Variants in RINT1 observed in about 807,000 individuals in gnomAD.
RINT1 encodes the protein RAD50-interacting protein 1.
A neutral mutation model predicts 97.7 loss-of-function variants in RINT1; 75 were observed. The ratio of observed to expected loss-of-function variants is 0.77; its 90% CI spans 0.64 to 0.93. RINT1 has a LOEUF of 0.93. RINT1 is among the 40% of genes least tolerant of loss of function. The probability of loss-of-function intolerance (pLI) is 0.00; values close to 1 mark genes in which losing one functional copy is unlikely to be tolerated. For synonymous variants in RINT1, 303 were observed against 326.3 expected (o/e 0.93, Z 0.77); for missense variants, 892 against 925.2 (o/e 0.96, Z 0.47).
intron 11 of RINT1, among the ~76,000 whole-genome samples, chr7:105,562,073 AT>A (rs1400526026): frequency 6.6e-6 from 1 of 152,142 alleles, no homozygotes; most frequent in Non-Finnish European, 1.5e-5. Flanking sequence ...TACTAAAGCT[AT>A]TTATATAAAT....
At position 105,550,486 on chromosome 7, in the gene RINT1, T is replaced by C. The variant is rs372327744; in HGVS notation, c.1333T>C (p.Phe445Leu). 3.7e-6 allele frequency: 6 copies of C among 1,606,594 alleles called. No individual in the cohort carries two copies. Among genetic ancestry groups the C allele is most frequent in the Non-Finnish European group, 5.1e-6 (6 of 1,173,382 alleles). The change falls in exon 9 of 15, where the codon TTT becomes CTT. Residue 445 changes from phenylalanine (F) to leucine (L), a missense_variant and splice_region_variant. Transcript: ENST00000257700. ...GAGATGGTTGACGGTGGAGAGAAAA[T>C]GTAAGTGCTGATGTGGCCAGATGGT... ...FQRWLTVERK[F>L]ALQKMDSMLS...
At chr7:105,556,352 C>T (rs1791182423) in intron 11 of RINT1, among the ~76,000 whole-genome samples, 1 of 151,922 alleles carries the variant, frequency 6.6e-6, no homozygotes, top group South Asian at 2.1e-4. Flanking sequence ...TAGGTGTGAG[C>T]CACCATGCCC....
Position 105,548,911 on chromosome 7 carries a change from C to T in RINT1, c.996+201C>T, listed in dbSNP as rs116807129. Among the ~76,000 whole-genome samples, 361 of 152,088 alleles carry T rather than the reference C, an allele frequency of 2.4e-3. 2 individuals carry two copies. The highest frequency in any genetic ancestry group is 8.2e-3 in the African/African-American group (341 of 41,476). On this transcript the variant is annotated intron_variant, in intron 7 of 14. Coordinates refer to ENST00000257700, the MANE Select transcript of RINT1 (RefSeq NM_021930.6). ...TATACTGTAGGAAAAATGGTATTTC[C>T]GCTCTTGGGCATCAGATATTGCTGA... is the stretch of plus-strand genomic sequence containing the variant.
intron 11 of RINT1, among the ~76,000 whole-genome samples, chr7:105,558,419 C>T (rs1010214042): frequency 1.3e-5 from 2 of 152,094 alleles, no homozygotes; most frequent in African/African-American, 2.4e-5. Context: ...TTCTGCTAAG[C>T]GTTTTTAGTA....
chr7:105,556,525 A>T (rs1378732998), intron 11 of RINT1, among the ~76,000 whole-genome samples: 6 of 104,728 alleles, frequency 5.7e-5, no homozygotes, highest in South Asian at 3.6e-4. Flanking sequence ...GAACTCTTTT[A>T]AAAAAAAACA....
rs1790064284 is a variant in RINT1 at position 105,532,287 on chromosome 7, A to G, written c.-29A>G. ...ACTCCACAGGCCACGCTGGCTGCGA[A>G]TGGAGCCGAGGACTCGCGCGGAGGC... On this transcript the variant is annotated 5_prime_UTR_variant, in exon 1 of 15. It removes an upstream start codon present in the reference 5' UTR. Transcript: ENST00000257700. 6.4e-7 allele frequency: 1 copy of G among 1,564,880 alleles called. No homozygotes were observed. Among genetic ancestry groups the G allele is most frequent in the Non-Finnish European group, 8.6e-7 (1 of 1,159,214 alleles).
intron 6 of RINT1, among the ~76,000 whole-genome samples, chr7:105,548,261 A>T (rs768636822): frequency 1.8e-4 from 28 of 151,438 alleles, no homozygotes; most frequent in Non-Finnish European, 3.1e-4. Flanking sequence ...ATTCCTGTGA[A>T]GTGGCCCAAG....
intron 9 of RINT1, among the ~76,000 whole-genome samples, 161 bp downstream of exon 9, chr7:105,550,647 A>C (rs748308190): frequency 6.6e-6 from 1 of 152,042 alleles, no homozygotes; most frequent in Non-Finnish European, 1.5e-5. Context: ...TCTTTACTTC[A>C]CATGAAACTT....
chr7:105,533,005 C>T, intron 2 of RINT1, 136 bp downstream of exon 2: 1 of 774,898 alleles, frequency 1.3e-6, no homozygotes, highest in Non-Finnish European at 2.2e-6. Context: ...TATGGTAATA[C>T]TGATGACCAT....
chr7:105,555,272 A>G (rs761821590), intron 11 of RINT1, 45 bp downstream of exon 11: 1 of 1,471,684 alleles, frequency 6.8e-7, no homozygotes, highest in Non-Finnish European at 9.3e-7. Flanking sequence ...ACTAGTTCGA[A>G]CTATTTTATT....
intron 11 of RINT1, among the ~76,000 whole-genome samples, chr7:105,557,208 G>A (rs933575661): frequency 6.6e-6 from 1 of 151,932 alleles, no homozygotes; most frequent in African/African-American, 2.4e-5. Flanking sequence ...ATATATAATT[G>A]TGTCATAAAA....
rs1790244845 is a variant in RINT1, at chr7:105,536,599, A to G, written c.123A>G (p.Lys41=). The change falls in exon 3 of 15, where the codon AAA becomes AAG. Residue 41 remains lysine, a synonymous_variant. Coordinates refer to ENST00000257700, the MANE Select transcript of RINT1 (RefSeq NM_021930.6). ...DINVTVLIGS[K]QVSEGTDNGD... ...ATGTTACAGTTCTTATTGGAAGTAAACAAGTCAGTGAAGGTACAGATAATG... is the reference window on the plus strand; with the variant it reads ...ATGTTACAGTTCTTATTGGAAGTAAGCAAGTCAGTGAAGGTACAGATAATG... 6.2e-7 allele frequency: 1 copy of G among 1,603,602 alleles called. No homozygotes were observed. The highest frequency in any genetic ancestry group is 1.3e-5 in the African/African-American group (1 of 74,464).
chr7:105,532,927 G>T (rs1790091749), intron 2 of RINT1, 58 bp downstream of exon 2: 3 of 1,520,236 alleles, frequency 2.0e-6, no homozygotes, highest in East Asian at 4.5e-5. Flanking sequence ...GCCTTCCAGG[G>T]TCTGCAATAT....
intron 11 of RINT1, among the ~76,000 whole-genome samples, chr7:105,558,013 T>C (rs1278763205): frequency 1.3e-5 from 2 of 152,180 alleles, no homozygotes; most frequent in Admixed American, 6.5e-5. Context: ...GATCAGTTTG[T>C]TTATAAAGTC....
chr7:105,559,558 A>G (rs919130590), intron 11 of RINT1, among the ~76,000 whole-genome samples: 18 of 150,264 alleles, frequency 1.2e-4, no homozygotes, highest in Non-Finnish European at 2.1e-4. Flanking sequence ...AAAAAAAAAA[A>G]AAAAAAAAAA....
chr7:105,563,442 C>G (rs1481253262), intron 11 of RINT1, among the ~76,000 whole-genome samples: 2 of 152,162 alleles, frequency 1.3e-5, no homozygotes, highest in African/African-American at 2.4e-5. Context: ...CTCACTGCAA[C>G]TTCCACCTTC....
rs374843738 is a variant in RINT1, at chr7:105,532,936, A to G, written c.88+67A>G. 6.8e-4 allele frequency: 989 copies of G among 1,452,526 alleles called. 8 individuals are homozygous for G. Among genetic ancestry groups the G allele is most frequent in the Non-Finnish European group, 1.6e-4 (164 of 1,033,010 alleles). The allele number at this position is 1,452,526 out of a possible 1,614,324, so 90.0% of individuals were successfully genotyped here. ...AACTCAGCCTTCCAGGGTCTGCAAT[A>G]TAGAAAGGTTCTTTGCCTATCTTTT... is the stretch of plus-strand genomic sequence containing the variant. On this transcript the variant is annotated intron_variant, in intron 2 of 14. Transcript: ENST00000257700.
In RINT1 at chr7:105,545,529, TA is replaced by T. The variant is rs371540408; in HGVS notation, c.516-1380del. ...TGTAATATTTGTATATATATATATA[TA>T]TTTTTTTTTTTTTGAGATGGAGTCT... On this transcript the variant is annotated intron_variant, in intron 4 of 14. Coordinates refer to ENST00000257700, the MANE Select transcript of RINT1 (RefSeq NM_021930.6). Among the ~76,000 whole-genome samples, 655 of 136,008 alleles carry T rather than the reference TA, an allele frequency of 4.8e-3. 2 individuals are homozygous for T. Among genetic ancestry groups the T allele is most frequent in the Non-Finnish European group, 6.8e-3 (441 of 64,798 alleles). The allele number at this position is 136,008 out of a possible 152,430, so 89.2% of individuals were successfully genotyped here. A position where few individuals can be genotyped will look rare whatever the true frequency, so the allele number is the denominator to read the frequency against.
intron 7 of RINT1, 79 bp from the exon 8 acceptor site, chr7:105,549,976 A>G (rs1790856154): frequency 1.0e-5 from 9 of 885,406 alleles, no homozygotes; most frequent in Non-Finnish European, 1.4e-5. Flanking sequence ...TTGTGCATAT[A>G]CAATTAAATA....
Sources: allele counts gnomAD v4.1 joint callset (sites outside exome capture counted in the v4.1 genomes callset), GRCh38; gene constraint gnomAD v4.1.1; transcripts MANE v1.5; gene names NCBI Gene and HGNC (gene_info 2026-07-23, HGNC 2026-07-21).